The following FAM53A variants were observed in gnomAD, a reference collection of about 807,000 sequenced individuals.
FAM53A encodes family with sequence similarity 53 member A.
FAM53A carries 28 observed loss-of-function variants against 26.6 expected under a neutral mutation model. The observed-to-expected ratio is 1.05, with a 90% CI of 0.78 to 1.45. The LOEUF is 1.45. Ranked by LOEUF, FAM53A falls within the 40% of genes most tolerant of loss-of-function variation. FAM53A has a pLI of 0.00. For synonymous variants in FAM53A, 290 were observed against 253.1 expected (o/e 1.15, Z -1.38); for missense variants, 650 against 575.8 (o/e 1.13, Z -1.32).
chr4:1,640,857 C>G lies in FAM53A; in HGVS notation c.*436G>C. 2.4e-6 allele frequency: 1 copy of G among 410,752 alleles called. No individual in the cohort carries two copies. Among genetic ancestry groups the G allele is most frequent in the Non-Finnish European group, 4.7e-6 (1 of 213,290 alleles). 25.4% of individuals were successfully genotyped at this position (410,752 alleles called of 1,614,324 possible). A position where few individuals can be genotyped will look rare whatever the true frequency, so the allele number is the denominator to read the frequency against. ...GGCAGCCATGGCCCCGACCAGCTCA[C>G]AGGAAACCTACTCTGTGCCCTGGGG... On this transcript the variant is annotated 3_prime_UTR_variant, in exon 5 of 5. Coordinates refer to ENST00000308132, the MANE Select transcript of FAM53A (RefSeq NM_001174070.3).
intron 4 of FAM53A, among the ~76,000 whole-genome samples, chr4:1,649,434 C>A (rs543363291): frequency 6.6e-6 from 1 of 152,342 alleles, no homozygotes; most frequent in East Asian, 1.9e-4. Context: ...CGGAGAAGAG[C>A]GGTTTTGAAA....
chr4:1,619,910 T>C (rs1714954180), intron 1 of FAM53A, among the ~76,000 whole-genome samples: 1 of 152,188 alleles, frequency 6.6e-6, no homozygotes, highest in African/African-American at 2.4e-5. Flanking sequence ...TTCCTTATAC[T>C]TTATTAAAAA....
At chr4:1,580,632 G>C in the FAM53A span, among the ~76,000 whole-genome samples, 10 of 114,746 alleles carry the variant, frequency 8.7e-5, no homozygotes, top group Non-Finnish European at 1.5e-4. Flanking sequence ...CCCAGGCCCT[G>C]CCCCCAACTC....
intron 4 of FAM53A, chr4:1,644,658 A>C: frequency 3.3e-6 from 1 of 303,574 alleles, no homozygotes; most frequent in Non-Finnish European, 6.2e-6. Flanking sequence ...GTTAAACACA[A>C]AACAGTTGTC....
chr4:1,620,891 G>T (rs1259589014), intron 1 of FAM53A, among the ~76,000 whole-genome samples: 1 of 152,110 alleles, frequency 6.6e-6, no homozygotes, highest in Non-Finnish European at 1.5e-5. Context: ...GGCCATGCCA[G>T]GCTGGGATCG....
chr4:1,592,546 C>T, the FAM53A span, among the ~76,000 whole-genome samples: 1 of 152,140 alleles, frequency 6.6e-6, no homozygotes, highest in Non-Finnish European at 1.5e-5. Context: ...CTAGGGCTCC[C>T]GGGCGCCGGC....
At chr4:1,599,268 C>A in the FAM53A span, among the ~76,000 whole-genome samples, 1 of 48,904 alleles carries the variant, frequency 2.0e-5, no homozygotes, top group Non-Finnish European at 6.8e-5. The surrounding 1 kb of genome is among the most constrained non-coding windows in gnomAD (Gnocchi z 6.1). Context: ...TTCACCGAGG[C>A]CAGGGGATCC....
chr4:1,594,187 G>C, the FAM53A span, among the ~76,000 whole-genome samples: 1 of 152,212 alleles, frequency 6.6e-6, no homozygotes, highest in East Asian at 1.9e-4. Flanking sequence ...TTGGGAGCCA[G>C]CAGCGGCCCC....
At chr4:1,673,093 C>A (rs1447605725) in intron 1 of FAM53A, among the ~76,000 whole-genome samples, 11 of 152,166 alleles carry the variant, frequency 7.2e-5, no homozygotes, top group Admixed American at 7.2e-4. Context: ...TTATTTAATT[C>A]TGAAGAAATG....
rs143458191 is a variant in FAM53A, at chr4:1,680,319, C to CAAAAA, written c.-165+3909_-165+3913dup. On this transcript the variant is annotated intron_variant, in intron 1 of 4. Transcript: ENST00000308132. Reference sequence around the variant, plus strand: ...GGGCAACGAGAGTGAAACTCCGTCTCAAAAAAAAAAAAAAAAAAAAAAAAA... The same window carrying CAAAAA: ...GGGCAACGAGAGTGAAACTCCGTCTCAAAAAAAAAAAAAAAAAAAAAAAAAAAAAA... Among the ~76,000 whole-genome samples, 211 of 82,592 alleles carry CAAAAA rather than the reference C, an allele frequency of 2.6e-3. 41 individuals are homozygous for CAAAAA. The highest frequency in any genetic ancestry group is 4.6e-3 in the East Asian group (7 of 1,508). The allele number at this position is 82,592 out of a possible 152,430, so 54.2% of individuals were successfully genotyped here.
chr4:1,654,773 G>T (rs536965079), intron 4 of FAM53A, among the ~76,000 whole-genome samples: 102 of 152,334 alleles, frequency 6.7e-4, no homozygotes, highest in African/African-American at 2.2e-3. Flanking sequence ...GGGAGCAGGC[G>T]GGGTGAGCTG....
At chr4:1,608,653 C>T in the FAM53A span, among the ~76,000 whole-genome samples, 4 of 152,110 alleles carry the variant, frequency 2.6e-5, no homozygotes, top group Non-Finnish European at 5.9e-5. Context: ...TACACACACA[C>T]TCTGCTTAGT....
chr4:1,605,474 C>T, the FAM53A span, among the ~76,000 whole-genome samples: 3 of 152,172 alleles, frequency 2.0e-5, no homozygotes, highest in Non-Finnish European at 2.9e-5. This position sits in a 1 kb window ranked among gnomAD's most constrained non-coding sequence, Gnocchi z 5.7. Flanking sequence ...GAGCCTGACT[C>T]GGAGTGTGGT....
At chr4:1,652,928 C>T (rs1712998607) in intron 4 of FAM53A, among the ~76,000 whole-genome samples, 1 of 149,622 alleles carries the variant, frequency 6.7e-6, no homozygotes, top group African/African-American at 2.5e-5. Flanking sequence ...GCACTCACCA[C>T]ACACACCCCC....
intron 2 of FAM53A, among the ~76,000 whole-genome samples, chr4:1,665,558 A>G (rs1261580193): frequency 6.6e-6 from 1 of 152,070 alleles, no homozygotes; most frequent in African/African-American, 2.4e-5. Flanking sequence ...TCAGATAGAA[A>G]CCACCGCCAT....
At chr4:1,658,787 G>C (rs916945659) in intron 2 of FAM53A, among the ~76,000 whole-genome samples, 10 of 152,258 alleles carry the variant, frequency 6.6e-5, no homozygotes, top group African/African-American at 2.4e-4. Context: ...ATGGGGCACA[G>C]GAGGGGGGTC....
At chr4:1,667,608 C>T (rs924705069) in intron 2 of FAM53A, among the ~76,000 whole-genome samples, 8 of 152,212 alleles carry the variant, frequency 5.3e-5, no homozygotes, top group African/African-American at 1.9e-4. Flanking sequence ...AGCTTGGACC[C>T]TCAGACCCTC....
downstream of FAM53A, among the ~76,000 whole-genome samples, chr4:1,613,355 A>G (rs529688115): frequency 1.8e-4 from 27 of 152,306 alleles, no homozygotes; most frequent in African/African-American, 6.5e-4. Flanking sequence ...AGCAGAAGTG[A>G]GTGGGCCCAG....
the FAM53A span, among the ~76,000 whole-genome samples, chr4:1,605,884 T>A: frequency 5.9e-5 from 9 of 152,122 alleles, no homozygotes; most frequent in African/African-American, 2.2e-4. The surrounding 1 kb of genome is among the most constrained non-coding windows in gnomAD (Gnocchi z 5.7). Flanking sequence ...CCCTCCCCAC[T>A]GGAGTTCAGG....
Sources: allele counts gnomAD v4.1 joint callset (sites outside exome capture counted in the v4.1 genomes callset), GRCh38; gene constraint gnomAD v4.1.1; non-coding constraint Gnocchi (gnomAD v3.1); transcripts MANE v1.5; gene names NCBI Gene and HGNC (gene_info 2026-07-23, HGNC 2026-07-21).